Variants in CKS2 observed in about 807,000 individuals in gnomAD.
CKS2 encodes the protein cyclin-dependent kinases regulatory subunit 2.
A neutral mutation model predicts 14.3 loss-of-function variants in CKS2; 4 were observed. The ratio of observed to expected loss-of-function variants is 0.28; its 90% CI spans 0.14 to 0.64. The LOEUF is 0.64. Among genes scored for constraint, CKS2 ranks in the 30% least tolerant of loss-of-function variants. The pLI, the probability that CKS2 is intolerant of heterozygous loss-of-function variation, is 0.83. For missense variants in CKS2, 71 were observed against 94.3 expected (o/e 0.75, Z 1.02); for synonymous variants, 33 against 28.7 (o/e 1.15, Z -0.48).
At chr9:89,314,618 G>A (rs1234592330) in intron 1 of CKS2, among the ~76,000 whole-genome samples, 2 of 152,228 alleles carry the variant, frequency 1.3e-5, no homozygotes, top group East Asian at 1.9e-4. Context: ...AGATTTTTTC[G>A]TTACATAAAA....
intron 2 of CKS2, 133 bp downstream of exon 2, chr9:89,315,430 T>A: frequency 1.5e-6 from 1 of 661,380 alleles, no homozygotes; most frequent in Non-Finnish European, 2.2e-6. Flanking sequence ...TTTTTTTTAA[T>A]GACTAATTTC....
chr9:89,311,437 T>TGGGGGGGGGGGGGG, intron 1 of CKS2, 86 bp downstream of exon 1: 2 of 479,028 alleles, frequency 4.2e-6, no homozygotes, highest in Non-Finnish European at 7.1e-6. Flanking sequence ...GGGTCGGGGG[T>TGGGGGGGGGGGGGG]GGGGGCCGGG....
At chr9:89,312,326 C>G (rs1414234430) in intron 1 of CKS2, 1 of 154,638 alleles carries the variant, frequency 6.5e-6, no homozygotes, top group Non-Finnish European at 1.5e-5. Flanking sequence ...GTATGCGGGA[C>G]ACTTCATTTA....
In CKS2 at chr9:89,316,464, T is replaced by C; in HGVS notation, c.*39T>C. The stretch of plus-strand genomic sequence containing the variant: ...ATCGTCAAATCTTTTTCAAATTTAA[T>C]GTATATGTGTATATAAGGTAGTATT... On this transcript the variant is annotated 3_prime_UTR_variant, in exon 3 of 3. Coordinates refer to ENST00000314355, the MANE Select transcript of CKS2 (RefSeq NM_001827.3). 1.7e-6 allele frequency: 2 copies of C among 1,173,376 alleles called. No individual in the cohort carries two copies. The highest frequency in any genetic ancestry group is 2.5e-6 in the Non-Finnish European group (2 of 794,502). 72.7% of individuals were successfully genotyped at this position (1,173,376 alleles called of 1,614,324 possible). A position where few individuals can be genotyped will look rare whatever the true frequency, so the allele number is the denominator to read the frequency against.
At position 89,311,263 on chromosome 9, in the gene CKS2, T is replaced by G. The variant is rs766287968; in HGVS notation, c.-30T>G. On this transcript the variant is annotated 5_prime_UTR_variant, in exon 1 of 3. Transcript: ENST00000314355. ...TCTGCTGCGCCCGCTCTTCGCGCTC[T>G]CGTTTCATTTTCTGCAGCGCGCCAG... 6.2e-7 allele frequency: 1 copy of G among 1,603,326 alleles called. No individual in the cohort carries two copies. Among genetic ancestry groups the G allele is most frequent in the Non-Finnish European group, 8.5e-7 (1 of 1,173,144 alleles).
intron 2 of CKS2, among the ~76,000 whole-genome samples, chr9:89,316,133 T>G (rs574472172): frequency 6.6e-6 from 1 of 152,288 alleles, no homozygotes; most frequent in Admixed American, 6.5e-5. Context: ...GGATGAGCAT[T>G]AGTATGAGAT....
At chr9:89,312,821 C>T (rs1422352527) in intron 1 of CKS2, among the ~76,000 whole-genome samples, 2 of 152,148 alleles carry the variant, frequency 1.3e-5, no homozygotes, top group African/African-American at 4.8e-5. Context: ...CCGTAATAAT[C>T]TTACTAAAAC....
At chr9:89,315,573 ATTG>A (rs1342538679) in intron 2 of CKS2, among the ~76,000 whole-genome samples, 2 of 151,872 alleles carry the variant, frequency 1.3e-5, no homozygotes, top group South Asian at 2.1e-4. Context: ...AATCTGTATC[ATTG>A]TTAACAGTAT....
At chr9:89,313,039 A>T (rs1258487866) in intron 1 of CKS2, among the ~76,000 whole-genome samples, 2 of 152,218 alleles carry the variant, frequency 1.3e-5, no homozygotes, top group African/African-American at 4.8e-5. Context: ...TACATATCTG[A>T]AGTGATGTAT....
intron 1 of CKS2, among the ~76,000 whole-genome samples, chr9:89,313,889 T>A (rs982067377): frequency 6.6e-6 from 1 of 152,246 alleles, no homozygotes; most frequent in African/African-American, 2.4e-5. Flanking sequence ...GGTAGTAAGC[T>A]ATGACTTGGT....
chr9:89,315,430 TGACTAA>T, intron 2 of CKS2, 133 bp downstream of exon 2: 1 of 661,376 alleles, frequency 1.5e-6, no homozygotes, highest in Non-Finnish European at 2.2e-6. Flanking sequence ...TTTTTTTTAA[TGACTAA>T]TTTCTTGACT....
chr9:89,312,471 C>T (rs3211672), intron 1 of CKS2, among the ~76,000 whole-genome samples: 1 of 152,210 alleles, frequency 6.6e-6, no homozygotes, highest in African/African-American at 2.4e-5. Context: ...ACCTTGTTTT[C>T]TGTCTGCTGC....
chr9:89,312,342 T>A (rs984171586), intron 1 of CKS2: 4 of 154,702 alleles, frequency 2.6e-5, no homozygotes, highest in Non-Finnish European at 4.4e-5. Flanking sequence ...ATTTAGGGCG[T>A]GGCTTCAGAA....
Position 89,316,650 on chromosome 9 carries a change from TGAG to T in CKS2, c.*226_*228del. 2.5e-6 allele frequency: 1 copy of T among 399,266 alleles called. No individual in the cohort carries two copies. Among genetic ancestry groups the T allele is most frequent in the East Asian group, 3.7e-5 (1 of 27,200 alleles). The allele number at this position is 399,266 out of a possible 1,614,324, so 24.7% of individuals were successfully genotyped here. A position where few individuals can be genotyped will look rare whatever the true frequency, so the allele number is the denominator to read the frequency against. ...TCAGTTTTTCTCTTAAGTGCCTGTT[TGAG>T]TTTACTGAAACAGTTTACTTTTGTT... On this transcript the variant is annotated 3_prime_UTR_variant, in exon 3 of 3. Transcript: ENST00000314355.
intron 2 of CKS2, 63 bp from the exon 3 acceptor site, chr9:89,316,310 T>C: frequency 9.3e-7 from 1 of 1,077,680 alleles, no homozygotes; most frequent in South Asian, 1.4e-5. Context: ...GAGAATACTT[T>C]TGAATTTCTG....
intron 1 of CKS2, among the ~76,000 whole-genome samples, chr9:89,313,491 T>C (rs992597838): frequency 2.6e-5 from 4 of 152,256 alleles, no homozygotes; most frequent in Non-Finnish European, 5.9e-5. Flanking sequence ...TTGGAAATAA[T>C]TTTCCTTACA....
At chr9:89,311,444 C>CG in intron 1 of CKS2, 93 bp downstream of exon 1, 37 of 561,280 alleles carry the variant, frequency 6.6e-5, no homozygotes, top group East Asian at 1.7e-4. Flanking sequence ...GGGTGGGGGC[C>CG]GGGGCCTGGG....
chr9:89,314,394 T>C (rs1824671586), intron 1 of CKS2, among the ~76,000 whole-genome samples: 1 of 152,216 alleles, frequency 6.6e-6, no homozygotes, highest in Admixed American at 6.5e-5. Flanking sequence ...CATGCTTGCC[T>C]AAGAAACTGA....
chr9:89,316,068 C>G (rs1419702098), intron 2 of CKS2, among the ~76,000 whole-genome samples: 1 of 152,144 alleles, frequency 6.6e-6, no homozygotes, highest in East Asian at 1.9e-4. Context: ...ACAAAAGCAA[C>G]TGAAGAACTT....
Sources: allele counts gnomAD v4.1 joint callset (sites outside exome capture counted in the v4.1 genomes callset), GRCh38; gene constraint gnomAD v4.1.1; transcripts MANE v1.5; gene names NCBI Gene and HGNC (gene_info 2026-07-23, HGNC 2026-07-21).